The following SERPINA5 variants were observed in gnomAD, a reference collection of about 807,000 sequenced individuals.
SERPINA5 encodes plasma serine protease inhibitor.
A neutral mutation model predicts 25.3 loss-of-function variants in SERPINA5; 25 were observed. The ratio of observed to expected loss-of-function variants is 0.99; its 90% CI spans 0.72 to 1.38. SERPINA5 has a LOEUF of 1.38. Ranked by LOEUF, SERPINA5 falls within the 40% of genes most tolerant of loss-of-function variation. SERPINA5 has a pLI of 0.00. For missense variants in SERPINA5, 599 were observed against 509.5 expected, an observed-to-expected ratio of 1.18 and a Z score of -1.69; for synonymous variants, 234 against 206.2, an observed-to-expected ratio of 1.14 and a Z score of -1.16.
At chr14:94,582,725 G>A (rs551347677) in intron 2 of SERPINA5, among the ~76,000 whole-genome samples, 2 of 152,324 alleles carry the variant, frequency 1.3e-5, no homozygotes, top group South Asian at 4.1e-4. Flanking sequence ...TTGAAGGTGA[G>A]AGCAGCACAA....
intron 5 of SERPINA5, among the ~76,000 whole-genome samples, chr14:94,591,612 C>CTATTCTATTCTATTCTAT (rs1390406558): frequency 7.0e-6 from 1 of 143,804 alleles, no homozygotes; most frequent in Non-Finnish European, 1.5e-5. Context: ...CTATTCTATT[C>CTATTCTATTCTATTCTAT]TCTCCCTCTC....
chr14:94,585,396 G>A (rs955693569), intron 2 of SERPINA5, among the ~76,000 whole-genome samples: 10 of 152,138 alleles, frequency 6.6e-5, no homozygotes, highest in African/African-American at 2.4e-4. Context: ...CAATTTGGAG[G>A]CTGGGCTGGC....
At chr14:94,591,386 A>G (rs1164426221) in intron 5 of SERPINA5, among the ~76,000 whole-genome samples, 1 of 145,388 alleles carries the variant, frequency 6.9e-6, no homozygotes, top group South Asian at 2.2e-4. Flanking sequence ...CCTCCACTCC[A>G]CTCCACTCTA....
At chr14:94,588,545 T>G (rs1427041900) in intron 3 of SERPINA5, among the ~76,000 whole-genome samples, 1 of 152,088 alleles carries the variant, frequency 6.6e-6, no homozygotes, top group African/African-American at 2.4e-5. Flanking sequence ...TCCTGCCAGT[T>G]GCTGACCCTG....
At chr14:94,584,587 G>A (rs955534984) in intron 2 of SERPINA5, among the ~76,000 whole-genome samples, 3 of 152,096 alleles carry the variant, frequency 2.0e-5, no homozygotes, top group Non-Finnish European at 4.4e-5. Flanking sequence ...CACAACACAT[G>A]GCAGACTGCA....
chr14:94,585,348 T>C (rs1364687619), intron 2 of SERPINA5, among the ~76,000 whole-genome samples: 2 of 152,102 alleles, frequency 1.3e-5, no homozygotes, highest in Non-Finnish European at 2.9e-5. Context: ...AGGCAGAAAC[T>C]TCTACATGAG....
rs1885121602 is a variant in SERPINA5, at chr14:94,587,273, T to TG, written c.-17-69dup. Reference sequence around the variant, plus strand: ...CCAAACATACCCATTGAGTGTTGGGTGGGGACATCTCTGGAAAGTCAGCAC... The same window carrying TG: ...CCAAACATACCCATTGAGTGTTGGGTGGGGGACATCTCTGGAAAGTCAGCAC... On this transcript the variant is annotated intron_variant, in intron 2 of 5. Coordinates refer to ENST00000329597, the MANE Select transcript of SERPINA5 (RefSeq NM_000624.6). 3 of 1,347,284 alleles carry TG rather than the reference T, an allele frequency of 2.2e-6. No individual in the cohort carries two copies. The Admixed American group carries it at 6.7e-5, about 30-fold the overall frequency. 83.5% of individuals were successfully genotyped at this position (1,347,284 alleles called of 1,614,324 possible).
chr14:94,590,594 G>A (rs1049540832), intron 4 of SERPINA5, 155 bp from the exon 5 acceptor site: 2 of 913,946 alleles, frequency 2.2e-6, no homozygotes, highest in East Asian at 2.7e-5. Flanking sequence ...TAGAAAAGAG[G>A]CCAGAGGAGC....
intron 3 of SERPINA5, among the ~76,000 whole-genome samples, chr14:94,589,276 G>A (rs1226017583): frequency 1.3e-5 from 2 of 151,920 alleles, no homozygotes; most frequent in Admixed American, 6.6e-5. Context: ...GTGAAACCCC[G>A]TCTCTACTAA....
At chr14:94,586,006 G>A (rs570804173) in intron 2 of SERPINA5, among the ~76,000 whole-genome samples, 1 of 152,170 alleles carries the variant, frequency 6.6e-6, no homozygotes, top group African/African-American at 2.4e-5. Context: ...ACACTACAAG[G>A]ACACAGCAGG....
In SERPINA5 at chr14:94,592,054, C is replaced by A; in HGVS notation, c.1039-3C>A. The A allele has an allele frequency of 1.2e-6, 2 of 1,610,906 alleles. No homozygotes were observed. Among genetic ancestry groups the A allele is most frequent in the South Asian group, 1.1e-5 (1 of 90,526 alleles). ...CTGGTGATGCCTGGTGTCTCCCCTG[C>A]AGATGGTGCACAAAGCTGTGGTGGA... is the stretch of plus-strand genomic sequence containing the variant. On this transcript the variant is annotated splice_region_variant and splice_polypyrimidine_tract_variant and intron_variant, in intron 5 of 5. Transcript: ENST00000329597.
chr14:94,589,026 G>A (rs1249220281), intron 3 of SERPINA5, among the ~76,000 whole-genome samples: 1 of 152,146 alleles, frequency 6.6e-6, no homozygotes, highest in Non-Finnish European at 1.5e-5. Flanking sequence ...AGTGAGTGTC[G>A]AACTTGGACT....
At chr14:94,586,589 T>C (rs751782155) in intron 2 of SERPINA5, among the ~76,000 whole-genome samples, 1 of 152,212 alleles carries the variant, frequency 6.6e-6, no homozygotes, top group Non-Finnish European at 1.5e-5. Flanking sequence ...TCTCCAGATA[T>C]AGTCACATTC....
intron 2 of SERPINA5, among the ~76,000 whole-genome samples, chr14:94,583,006 G>A (rs571509757): frequency 2.0e-5 from 3 of 152,308 alleles, no homozygotes; most frequent in Admixed American, 6.5e-5. Context: ...AAGGCCCAGA[G>A]TTAGGACAGA....
At chr14:94,586,267 A>G (rs182951475) in intron 2 of SERPINA5, among the ~76,000 whole-genome samples, 4 of 152,318 alleles carry the variant, frequency 2.6e-5, no homozygotes, top group African/African-American at 9.6e-5. Context: ...AGATGAAAAG[A>G]TGTCTTTGCC....
chr14:94,584,561 G>C (rs1203848996), intron 2 of SERPINA5, among the ~76,000 whole-genome samples: 2 of 152,072 alleles, frequency 1.3e-5, no homozygotes, highest in East Asian at 3.9e-4. Context: ...AGGGGGCGGG[G>C]TCTTGAGGGG....
In SERPINA5 at chr14:94,590,248, A is replaced by G; in HGVS notation, c.827A>G (p.Gln276Arg). 1 of 1,613,602 alleles carries G rather than the reference A, an allele frequency of 6.2e-7. No homozygotes were observed. The highest frequency in any genetic ancestry group is 8.5e-7 in the Non-Finnish European group (1 of 1,179,616). ...LFILPSEGKM[Q>R]QVENGLSEKT... Reference sequence around the variant, plus strand: ...ATTCTCCCCAGTGAGGGAAAGATGCAGCAGGTGGAGAATGGACTGAGTGAG... The same window carrying G: ...ATTCTCCCCAGTGAGGGAAAGATGCGGCAGGTGGAGAATGGACTGAGTGAG... The change falls in exon 4 of 6, where the codon CAG (glutamine) becomes CGG (arginine). Residue 276 changes from glutamine (Q) to arginine (R), a missense_variant. By Grantham distance (43) the Gln-to-Arg change is conservative (BLOSUM62 1). Coordinates refer to ENST00000329597, the MANE Select transcript of SERPINA5 (RefSeq NM_000624.6).
Position 94,592,048 on chromosome 14 carries a change from C to A in SERPINA5, c.1039-9C>A. ...AGTGGCCTGGTGATGCCTGGTGTCT[C>A]CCCTGCAGATGGTGCACAAAGCTGT... On this transcript the variant is annotated splice_polypyrimidine_tract_variant and intron_variant, in intron 5 of 5. Coordinates refer to ENST00000329597, the MANE Select transcript of SERPINA5 (RefSeq NM_000624.6). 1 of 1,609,768 alleles carries A rather than the reference C, an allele frequency of 6.2e-7. No homozygotes were observed. Among genetic ancestry groups the A allele is most frequent in the South Asian group, 1.1e-5 (1 of 90,344 alleles).
At chr14:94,585,764 C>CGT (rs3138588) in intron 2 of SERPINA5, among the ~76,000 whole-genome samples, 17,483 of 145,640 alleles carry the variant, frequency 0.12, 1,014 homozygotes, top group Non-Finnish European at 0.13. Flanking sequence ...CAGGCTCACA[C>CGT]GTGTGTGTGT....
Sources: allele counts gnomAD v4.1 joint callset (sites outside exome capture counted in the v4.1 genomes callset), GRCh38; gene constraint gnomAD v4.1.1; transcripts MANE v1.5; gene names NCBI Gene and HGNC (gene_info 2026-07-23, HGNC 2026-07-21).